GNAS-AS1: variants seen among roughly 807,000 people sequenced by gnomAD.
The protein encoded by GNAS-AS1 is GNAS antisense RNA 1 (non-protein coding).
Position 58,827,529 on chromosome 20 carries a change from T to C in GNAS-AS1, n.820-8274A>G, listed in dbSNP as rs529262916. Among the ~76,000 whole-genome samples, 7 of 152,356 alleles carry C rather than the reference T, an allele frequency of 4.6e-5. No homozygotes were observed. The South Asian group carries it at 1.4e-3, about 32-fold the overall frequency. ...TTACATGGAGGTGTGTACTACGACATGGTCAGCAGTGCAGTTTCTAACAGG... is the reference window on the plus strand; with the variant it reads ...TTACATGGAGGTGTGTACTACGACACGGTCAGCAGTGCAGTTTCTAACAGG... On this transcript the variant is annotated intron_variant and non_coding_transcript_variant, in intron 4 of 4. Coordinates refer to ENST00000424094, the Ensembl canonical transcript of GNAS-AS1.
chr20:58,824,045 G>A (rs747321448), intron 4 of GNAS-AS1: 64 of 398,586 alleles, frequency 1.6e-4, no homozygotes, highest in Non-Finnish European at 2.6e-4. Context: ...CGCTCTCTTT[G>A]GGGAGGAAGA....
chr20:58,821,213 G>C (rs561766754), intron 4 of GNAS-AS1, among the ~76,000 whole-genome samples: 23 of 152,256 alleles, frequency 1.5e-4, no homozygotes, highest in African/African-American at 4.8e-4. Context: ...CTGGTTTCCT[G>C]CTTCCCTACA....
At chr20:58,834,769 C>G (rs1047028533) in intron 4 of GNAS-AS1, 3 of 152,234 alleles carry the variant, frequency 2.0e-5, no homozygotes, top group Non-Finnish European at 4.4e-5. Context: ...GGGAAGACAG[C>G]TCCGAGCAAT....
intron 4 of GNAS-AS1, among the ~76,000 whole-genome samples, chr20:58,824,393 G>A (rs1411389954): frequency 6.6e-6 from 1 of 152,196 alleles, no homozygotes; most frequent in Admixed American, 6.5e-5. Flanking sequence ...GAACTCTTCT[G>A]AGGGTTCTTA....
At chr20:58,838,983 C>A (rs184215541) in intron 4 of GNAS-AS1, 1 of 394,842 alleles carries the variant, frequency 2.5e-6, no homozygotes, top group Admixed American at 4.4e-5. Flanking sequence ...AGTGAGGATT[C>A]CGTGTCACCC....
At chr20:58,821,999 C>T (rs933653551) in intron 4 of GNAS-AS1, among the ~76,000 whole-genome samples, 4 of 152,146 alleles carry the variant, frequency 2.6e-5, no homozygotes, top group Non-Finnish European at 5.9e-5. Flanking sequence ...CCTATCCCGA[C>T]GAGAATGAGG....
At chr20:58,830,464 CCACACCACCAT>C (rs2145456715) in intron 4 of GNAS-AS1, among the ~76,000 whole-genome samples, 1 of 133,980 alleles carries the variant, frequency 7.5e-6, no homozygotes, top group Non-Finnish European at 1.6e-5. Flanking sequence ...ATCACCACCA[CCACACCACCAT>C]CATCACCATC....
intron 2 of GNAS-AS1, among the ~76,000 whole-genome samples, chr20:58,844,966 T>C (rs904230329): frequency 6.6e-6 from 1 of 152,222 alleles, no homozygotes; most frequent in African/African-American, 2.4e-5. Flanking sequence ...AATGCAGAAT[T>C]CCACTGTGTC....
chr20:58,843,973 C>T (rs2085843150), intron 2 of GNAS-AS1: 1 of 152,224 alleles, frequency 6.6e-6, no homozygotes, highest in South Asian at 2.1e-4. Context: ...CACTGCAAGC[C>T]TTTCTCACCC....
chr20:58,830,631 A>C (rs2085562066), intron 4 of GNAS-AS1, among the ~76,000 whole-genome samples: 3 of 113,544 alleles, frequency 2.6e-5, no homozygotes, highest in Non-Finnish European at 3.7e-5. Context: ...CATCACCACC[A>C]CCGCCACACC....
chr20:58,825,496 G>A (rs537122759), intron 4 of GNAS-AS1, among the ~76,000 whole-genome samples: 11 of 152,278 alleles, frequency 7.2e-5, no homozygotes, highest in East Asian at 1.9e-4. Flanking sequence ...TTAACCAGAC[G>A]CCAGGGATAC....
At chr20:58,842,618 G>A (rs1458073885) in intron 2 of GNAS-AS1, 3 of 397,862 alleles carry the variant, frequency 7.5e-6, no homozygotes, top group Non-Finnish European at 1.3e-5. Context: ...CAGAAGTTTG[G>A]AGGCTGCGGA....
In GNAS-AS1 at chr20:58,842,801, G is replaced by T. The variant is rs2085789507; in HGVS notation, n.414-256C>A. On this transcript the variant is annotated intron_variant and non_coding_transcript_variant, in intron 2 of 4. Coordinates refer to ENST00000424094, the Ensembl canonical transcript of GNAS-AS1. ...CTCTAGGGACAAGCAAGAAAAACTA[G>T]GGATTGTGTTGAATTTCTTTGGTGT... Among the ~76,000 whole-genome samples the T allele has an allele frequency of 2.0e-5, 3 of 152,222 alleles. No homozygotes were observed. The South Asian group carries it at 6.2e-4, about 32-fold the overall frequency.
At chr20:58,839,092 C>T (rs1568905227) in intron 4 of GNAS-AS1, 1 of 398,570 alleles carries the variant, frequency 2.5e-6, no homozygotes, top group South Asian at 1.3e-4. Context: ...TCCAGCACCA[C>T]CTTCTCAGCT....
chr20:58,838,129 G>C (rs1338079892), intron 4 of GNAS-AS1, among the ~76,000 whole-genome samples: 5 of 152,324 alleles, frequency 3.3e-5, no homozygotes, highest in East Asian at 3.9e-4. Flanking sequence ...AGGGATTTTA[G>C]GATGATGGCT....
At position 58,841,813 on chromosome 20, in the gene GNAS-AS1, G is replaced by A. The variant is rs1360385104; in HGVS notation, n.819+124C>T. On this transcript the variant is annotated intron_variant and non_coding_transcript_variant, in intron 4 of 4. Transcript: ENST00000424094. This position sits in a 1 kb window ranked among gnomAD's most constrained non-coding sequence, Gnocchi z 5.0. ...GGCCAGGCTGCATGCGGCTTAGCAGGAGACGTCCTGGGCTGTTTGCGCAGG... is the reference window on the plus strand; with the variant it reads ...GGCCAGGCTGCATGCGGCTTAGCAGAAGACGTCCTGGGCTGTTTGCGCAGG... The A allele has an allele frequency of 4.1e-6, 5 of 1,230,810 alleles. No individual in the cohort carries two copies. The African/African-American group carries it at 6.2e-5, about 15-fold the overall frequency. 76.2% of individuals were successfully genotyped at this position (1,230,810 alleles called of 1,614,324 possible).
rs118138035 is a variant in GNAS-AS1, at chr20:58,823,239, G to A, written n.820-3984C>T. On this transcript the variant is annotated intron_variant and non_coding_transcript_variant, in intron 4 of 4. Transcript: ENST00000424094. ...CGTATAGAACCTAATATCCCCAGCTGTTTAAATACCACTGCCTCATTCGGC... is the reference window on the plus strand; with the variant it reads ...CGTATAGAACCTAATATCCCCAGCTATTTAAATACCACTGCCTCATTCGGC... 2.6e-5 allele frequency among the ~76,000 whole-genome samples: 4 copies of A among 152,300 alleles called. No homozygotes were observed. The East Asian group carries it at 5.8e-4, about 22-fold the overall frequency.
chr20:58,848,818 T>C (rs973379376), intron 2 of GNAS-AS1: 1 of 398,382 alleles, frequency 2.5e-6, no homozygotes, highest in Non-Finnish European at 4.4e-6. Context: ...CTCGAACATT[T>C]GGCCACACTT....
Position 58,841,630 on chromosome 20 carries a change from T to C in GNAS-AS1, n.819+307A>G. On this transcript the variant is annotated intron_variant and non_coding_transcript_variant, in intron 4 of 4. Transcript: ENST00000424094. This position sits in a 1 kb window ranked among gnomAD's most constrained non-coding sequence, Gnocchi z 5.0. ...CGCACCTGCCCGCGCGCGCCGGAGC[T>C]GACCTCTCCCGGCGGCGGGCGGTTA... 1 of 1,079,812 alleles carries C rather than the reference T, an allele frequency of 9.3e-7. No individual in the cohort carries two copies. Among genetic ancestry groups the C allele is most frequent in the Non-Finnish European group, 1.1e-6 (1 of 891,174 alleles). The allele number at this position is 1,079,812 out of a possible 1,614,324, so 66.9% of individuals were successfully genotyped here.
Sources: gnomAD v4.1 joint callset for allele counts (sites outside exome capture counted in the v4.1 genomes callset) on GRCh38, gnomAD v4.1.1 for gene constraint, Gnocchi (gnomAD v3.1) non-coding constraint, MANE v1.5 for transcripts, NCBI Gene and HGNC (gene_info 2026-07-23, HGNC 2026-07-21) for gene names.